The following STT3B variants were observed in gnomAD, a reference collection of about 807,000 sequenced individuals.
STT3B encodes the protein dolichyl-diphosphooligosaccharide--protein glycosyltransferase subunit STT3B.
Under a neutral mutation model 96.8 loss-of-function variants are expected in STT3B, and 29 were observed. That is an observed-to-expected ratio of 0.30 (90% confidence interval 0.22 to 0.41). The LOEUF (loss-of-function observed/expected upper bound fraction) is 0.41, where lower values mean the gene tolerates loss of function less well. STT3B is among the 10% of genes least tolerant of loss of function. The pLI is 1.00. For synonymous variants in STT3B, 367 were observed against 360.0 expected, an observed-to-expected ratio of 1.02 and a Z score of -0.22; for missense variants, 640 against 1,022.3, an observed-to-expected ratio of 0.63 and a Z score of 5.10.
intron 13 of STT3B, among the ~76,000 whole-genome samples, chr3:31,629,062 C>T (rs1010205667): frequency 6.6e-6 from 1 of 152,076 alleles, no homozygotes; most frequent in Non-Finnish European, 1.5e-5. Context: ...GCCACAGTCA[C>T]GCCACTGCAC....
At position 31,533,160 on chromosome 3, in the gene STT3B, C is replaced by T; in HGVS notation, c.162C>T (p.Ala54=). Reference sequence around the variant, plus strand: ...GCGGCGCGGCGCCGCCGAAGCCGGCCCCGGCGGGGCTGTCCGGGGGGCTGT... The same window carrying T: ...GCGGCGCGGCGCCGCCGAAGCCGGCTCCGGCGGGGCTGTCCGGGGGGCTGT... ...AAGGAAPPKP[A]PAGLSGGLSQ... The change falls in exon 1 of 16, where the codon GCC becomes GCT. Residue 54 remains alanine, a synonymous_variant. Coordinates refer to ENST00000295770, the MANE Select transcript of STT3B (RefSeq NM_178862.3). 1 of 1,302,364 alleles carries T rather than the reference C, an allele frequency of 7.7e-7. No homozygotes were observed. The highest frequency in any genetic ancestry group is 9.8e-7 in the Non-Finnish European group (1 of 1,024,358). The allele number at this position is 1,302,364 out of a possible 1,614,324, so 80.7% of individuals were successfully genotyped here. A position where few individuals can be genotyped will look rare whatever the true frequency, so the allele number is the denominator to read the frequency against.
At chr3:31,559,118 T>G (rs560183472) in intron 1 of STT3B, among the ~76,000 whole-genome samples, 1 of 148,612 alleles carries the variant, frequency 6.7e-6, no homozygotes, top group East Asian at 2.0e-4. Flanking sequence ...AAGAACCAAC[T>G]TTTTGTTTTT....
chr3:31,613,248 A>C (rs1699224840), intron 5 of STT3B, among the ~76,000 whole-genome samples: 1 of 152,170 alleles, frequency 6.6e-6, no homozygotes, highest in Middle Eastern at 3.4e-3. Context: ...TTTTTCATTC[A>C]GTTTGTATCA....
intron 1 of STT3B, among the ~76,000 whole-genome samples, chr3:31,568,441 C>T (rs1445559354): frequency 6.6e-6 from 1 of 152,134 alleles, no homozygotes; most frequent in Non-Finnish European, 1.5e-5. Flanking sequence ...CCATACTGTT[C>T]TTCGTAGTGG....
At chr3:31,580,230 A>T in intron 3 of STT3B, 134 bp downstream of exon 3, 1 of 795,800 alleles carries the variant, frequency 1.3e-6, no homozygotes, top group Non-Finnish European at 2.0e-6. Context: ...TTCATAATCA[A>T]TTTAATAATG....
intron 1 of STT3B, among the ~76,000 whole-genome samples, chr3:31,558,844 C>G (rs1259262173): frequency 6.8e-6 from 1 of 147,662 alleles, no homozygotes; most frequent in East Asian, 2.0e-4. Flanking sequence ...TATCATTACT[C>G]ATTTATTGGT....
At chr3:31,559,349 A>ACTTATAT (rs56966773) in intron 1 of STT3B, among the ~76,000 whole-genome samples, 21 of 148,962 alleles carry the variant, frequency 1.4e-4, no homozygotes, top group African/African-American at 4.4e-4. Context: ...ATTGCTATAA[A>ACTTATAT]CTTAGCATGG....
chr3:31,632,013 G>A (rs1021912932), intron 14 of STT3B, among the ~76,000 whole-genome samples: 4 of 151,758 alleles, frequency 2.6e-5, no homozygotes, highest in Non-Finnish European at 2.9e-5. Context: ...ATACCACCAC[G>A]TCCAGTTAAT....
chr3:31,635,708 C>T (rs1699743284), intron 15 of STT3B, among the ~76,000 whole-genome samples: 1 of 152,148 alleles, frequency 6.6e-6, no homozygotes, highest in Non-Finnish European at 1.5e-5. Flanking sequence ...AATTACAGCT[C>T]AGCACTTTGT....
At chr3:31,632,087 C>T (rs1247465567) in intron 14 of STT3B, among the ~76,000 whole-genome samples, 1 of 152,138 alleles carries the variant, frequency 6.6e-6, no homozygotes, top group African/African-American at 2.4e-5. Flanking sequence ...AACTCCTGGG[C>T]TCAGGCCATC....
Position 31,576,450 on chromosome 3 carries a change from A to G in STT3B, c.369A>G (p.Leu123=). Residue 123 remains leucine, a synonymous_variant, in exon 2 of 16, where the codon TTA becomes TTG. Transcript: ENST00000295770. ...CATCTCATGGGTTCTATGAATTTTT[A>G]AATTGGTTTGATGAAAGAGCATGGT... The part of the protein sequence containing the change: ...HLASHGFYEF[L]NWFDERAWYP... 1 of 1,606,842 alleles carries G rather than the reference A, an allele frequency of 6.2e-7. No homozygotes were observed.
intron 1 of STT3B, among the ~76,000 whole-genome samples, chr3:31,535,769 C>T (rs1010474369): frequency 1.1e-4 from 17 of 152,254 alleles, no homozygotes; most frequent in African/African-American, 3.1e-4. Context: ...TATATGAAAA[C>T]GCATTTCTGA....
At chr3:31,618,329 AATTC>A (rs1699354855) in intron 8 of STT3B, among the ~76,000 whole-genome samples, 1 of 152,022 alleles carries the variant, frequency 6.6e-6, no homozygotes, top group Admixed American at 6.6e-5. Flanking sequence ...TATTCTTAAG[AATTC>A]TTAAGGATAC....
intron 3 of STT3B, 118 bp from the exon 4 acceptor site, chr3:31,596,677 CAGT>C: frequency 1.4e-6 from 1 of 691,230 alleles, no homozygotes; most frequent in Non-Finnish European, 2.5e-6. Context: ...TGAATAACCA[CAGT>C]ATTTTTTAGA....
In STT3B at chr3:31,617,086, T is replaced by C. The variant is rs1286256018; in HGVS notation, c.1123+11T>C. The C allele has an allele frequency of 1.3e-6, 2 of 1,588,980 alleles. No individual in the cohort carries two copies. Among genetic ancestry groups the C allele is most frequent in the Admixed American group, 1.7e-5 (1 of 59,294 alleles). The stretch of plus-strand genomic sequence containing the variant: ...ATTTGACTTATACAGGTACGTGTTA[T>C]CACCTGTAGGGTGTGAATATTGTCT... On this transcript the variant is annotated intron_variant, in intron 7 of 15. Transcript: ENST00000295770.
intron 3 of STT3B, among the ~76,000 whole-genome samples, chr3:31,582,612 G>GTTTGTGAAGTAGTTTGTGTAGTT (rs1397185804): frequency 6.6e-6 from 1 of 151,468 alleles, no homozygotes; most frequent in Non-Finnish European, 1.5e-5. Context: ...TCTTTTTCTA[G>GTTTGTGAAGTAGTTTGTGTAGTT]TTCACAACGT....
At chr3:31,597,635 A>G (rs115316344) in intron 4 of STT3B, among the ~76,000 whole-genome samples, 1,557 of 152,010 alleles carry the variant, frequency 0.01, 34 homozygotes, top group African/African-American at 0.035. Flanking sequence ...TTTAAAAAAT[A>G]TTTTGTAGAG....
At chr3:31,592,658 T>G (rs757738915) in intron 3 of STT3B, among the ~76,000 whole-genome samples, 38 of 152,184 alleles carry the variant, frequency 2.5e-4, no homozygotes, top group Non-Finnish European at 4.7e-4. Context: ...TCTTGGAGTT[T>G]TATTTGTAGT....
chr3:31,596,939 C>T, intron 4 of STT3B, 76 bp downstream of exon 4: 3 of 1,089,164 alleles, frequency 2.8e-6, no homozygotes, highest in Non-Finnish European at 4.1e-6. Context: ...CTCCTGAAGT[C>T]TGTAGGATTT....
Sources: allele counts gnomAD v4.1 joint callset (sites outside exome capture counted in the v4.1 genomes callset), GRCh38; gene constraint gnomAD v4.1.1; transcripts MANE v1.5; gene names NCBI Gene and HGNC (gene_info 2026-07-23, HGNC 2026-07-21).